CSMD1: variants seen among roughly 807,000 people sequenced by gnomAD.
The protein encoded by CSMD1 is CUB and Sushi multiple domains 1, also known as CUB and sushi domain-containing protein 1.
A neutral mutation model predicts 417.5 loss-of-function variants in CSMD1; 213 were observed. The ratio of observed to expected loss-of-function variants is 0.51; its 90% confidence interval spans 0.46 to 0.57. CSMD1 has a LOEUF of 0.57. CSMD1 is among the 20% of genes least tolerant of loss of function. CSMD1 has a pLI of 0.00. For synonymous variants in CSMD1, 2,862 were observed against 1,736.8 expected, an observed-to-expected ratio of 1.65 and a Z score of -16.11; for missense variants, 6,923 against 4,529.7, an observed-to-expected ratio of 1.53 and a Z score of -15.17.
At chr8:4,526,876 T>G (rs11987070) in intron 2 of CSMD1, among the ~76,000 whole-genome samples, 1 of 152,022 alleles carries the variant, frequency 6.6e-6, no homozygotes, top group East Asian at 1.9e-4. Context: ...TATTTAGCCA[T>G]GATTCCAGAA....
intron 5 of CSMD1, among the ~76,000 whole-genome samples, chr8:3,770,865 G>A (rs1232136414): frequency 6.6e-6 from 1 of 152,120 alleles, no homozygotes; most frequent in African/African-American, 2.4e-5. Flanking sequence ...TGGTCCTGTA[G>A]CTCATATTTT....
At chr8:3,679,727 T>A (rs1329502688) in intron 7 of CSMD1, among the ~76,000 whole-genome samples, 1 of 152,228 alleles carries the variant, frequency 6.6e-6, no homozygotes, top group Non-Finnish European at 1.5e-5. Flanking sequence ...ATCAACAGAA[T>A]ATACATTCTT....
At chr8:4,436,614 C>G (rs982299303) in intron 2 of CSMD1, among the ~76,000 whole-genome samples, 1 of 152,154 alleles carries the variant, frequency 6.6e-6, no homozygotes, top group African/African-American at 2.4e-5. Flanking sequence ...GCAAATAGGT[C>G]TTATTCCTTC....
chr8:3,044,251 C>T (rs1173795496), intron 50 of CSMD1, among the ~76,000 whole-genome samples: 1 of 152,174 alleles, frequency 6.6e-6, no homozygotes, highest in East Asian at 1.9e-4. Context: ...TCAATCAATG[C>T]CAAATGTTGG....
At chr8:3,197,958 G>A (rs533542813) in intron 33 of CSMD1, among the ~76,000 whole-genome samples, 15 of 152,270 alleles carry the variant, frequency 9.9e-5, no homozygotes, top group Admixed American at 4.6e-4. Flanking sequence ...ACTAGTAGGA[G>A]CAAAGCAAGA....
intron 12 of CSMD1, among the ~76,000 whole-genome samples, chr8:3,462,698 G>A (rs1259001037): frequency 6.6e-6 from 1 of 152,074 alleles, no homozygotes; most frequent in Non-Finnish European, 1.5e-5. Flanking sequence ...CACAGTAAAT[G>A]CAATGCACTT....
Position 3,401,957 on chromosome 8 carries a change from C to CTT in CSMD1, c.2267-2430_2267-2429dup, listed in dbSNP as rs142931460. Among the ~76,000 whole-genome samples the CTT allele has an allele frequency of 8.1e-5, 12 of 147,334 alleles. No homozygotes were observed. The East Asian group carries it at 1.0e-3, about 12-fold the overall frequency. On this transcript the variant is annotated intron_variant, in intron 15 of 69. Coordinates refer to ENST00000635120, the MANE Select transcript of CSMD1 (RefSeq NM_033225.6). ...TGTTTAGAAAGCAATTTCTTCTTTG[C>CTT]TTTTTTTTTTTGATGATTTAAATTA... is the stretch of plus-strand genomic sequence containing the variant.
chr8:3,678,250 G>C (rs556612332), intron 7 of CSMD1, among the ~76,000 whole-genome samples: 1 of 152,282 alleles, frequency 6.6e-6, no homozygotes, highest in Non-Finnish European at 1.5e-5. Context: ...AGCTAAAGGA[G>C]GAAGTTCGAA....
intron 2 of CSMD1, among the ~76,000 whole-genome samples, chr8:4,583,835 G>C (rs1006006362): frequency 6.6e-6 from 1 of 151,948 alleles, no homozygotes; most frequent in Admixed American, 6.6e-5. Context: ...ACCCACTCGT[G>C]TCCCCTTCCA....
chr8:3,502,705 G>C (rs1037361994), intron 10 of CSMD1, among the ~76,000 whole-genome samples: 2 of 152,228 alleles, frequency 1.3e-5, no homozygotes, highest in Non-Finnish European at 2.9e-5. Flanking sequence ...TTAGGGGTTA[G>C]AAGAGGGAGG....
At chr8:4,180,801 C>A (rs191452950) in intron 3 of CSMD1, among the ~76,000 whole-genome samples, 4 of 151,896 alleles carry the variant, frequency 2.6e-5, no homozygotes, top group Admixed American at 2.0e-4. Flanking sequence ...GTCTTTGGTA[C>A]AAGAGTTCAC....
chr8:3,728,838 G>C (rs189729641), intron 6 of CSMD1, among the ~76,000 whole-genome samples: 2 of 152,198 alleles, frequency 1.3e-5, no homozygotes, highest in Admixed American at 6.5e-5. Flanking sequence ...TCTAACATTA[G>C]TTCTTTTACT....
chr8:4,745,835 C>T (rs903518255), intron 1 of CSMD1, among the ~76,000 whole-genome samples: 1 of 152,066 alleles, frequency 6.6e-6, no homozygotes, highest in Non-Finnish European at 1.5e-5. Flanking sequence ...GAAGAAGATG[C>T]AAAGAAAATC....
At chr8:4,454,204 G>T (rs889476690) in intron 2 of CSMD1, among the ~76,000 whole-genome samples, 1 of 151,934 alleles carries the variant, frequency 6.6e-6, no homozygotes, top group Non-Finnish European at 1.5e-5. Flanking sequence ...TTAAAACTCC[G>T]TGTCTCCTTA....
intron 17 of CSMD1, among the ~76,000 whole-genome samples, chr8:3,390,583 G>A (rs1011088160): frequency 6.6e-6 from 1 of 151,818 alleles, no homozygotes; most frequent in Admixed American, 6.6e-5. Context: ...TATATTCAGA[G>A]TCTGTTCCCA....
At chr8:4,720,151 A>C (rs1172215991) in intron 1 of CSMD1, among the ~76,000 whole-genome samples, 1 of 139,952 alleles carries the variant, frequency 7.1e-6, no homozygotes, top group African/African-American at 2.6e-5. Flanking sequence ...ACAAAGCTAG[A>C]CGTATACATA....
At chr8:3,641,024 C>CTTTTT (rs34851559) in intron 7 of CSMD1, among the ~76,000 whole-genome samples, 38 of 102,720 alleles carry the variant, frequency 3.7e-4, no homozygotes, top group South Asian at 7.1e-4. Context: ...TCCTTTTTTC[C>CTTTTT]TTTTTTTTTT....
rs774060016 is a variant in CSMD1 at position 3,087,118 on chromosome 8, A to G, written c.7453T>C (p.Ser2485Pro). The G allele has an allele frequency of 9.9e-6, 16 of 1,613,400 alleles. No individual in the cohort carries two copies. The highest frequency in any genetic ancestry group is 3.5e-4 in the Middle Eastern group (2 of 5,690). Reference protein sequence around the residue: ...RNPLGMYQWDSLTPLCQAVSC... With the variant: ...RNPLGMYQWDPLTPLCQAVSC... ...TTACCCTGGCAGAGTGGCGTGAGGG[A>G]GTCCCACTGGTACATGCCAAGTGGG... Residue 2485 changes from serine (S) to proline (P), a missense_variant, in exon 49 of 70, where the codon TCC (serine) becomes CCC (proline). By Grantham distance (74) the Ser-to-Pro change is moderately conservative. Coordinates refer to ENST00000635120, the MANE Select transcript of CSMD1 (RefSeq NM_033225.6).
At chr8:3,270,340 G>A (rs1251521071) in intron 26 of CSMD1, among the ~76,000 whole-genome samples, 1 of 152,130 alleles carries the variant, frequency 6.6e-6, no homozygotes, top group African/African-American at 2.4e-5. Flanking sequence ...ACAGGCATGA[G>A]CCACTGCACC....
Sources: gnomAD v4.1 joint callset for allele counts (sites outside exome capture counted in the v4.1 genomes callset) on GRCh38, gnomAD v4.1.1 for gene constraint, MANE v1.5 for transcripts, NCBI Gene and HGNC (gene_info 2026-07-23, HGNC 2026-07-21) for gene names.